PRKN: variants seen among roughly 807,000 people sequenced by gnomAD.
PRKN encodes the protein parkin RBR E3 ubiquitin protein ligase.
Under a neutral mutation model 59.5 loss-of-function variants are expected in PRKN, and 56 were observed. The ratio of observed to expected loss-of-function variants is 0.94; its 90% CI spans 0.76 to 1.18. PRKN has a LOEUF of 1.18. PRKN is among the 50% of genes most tolerant of loss of function. The pLI is 0.00. For synonymous variants in PRKN, 250 were observed against 222.1 expected, an observed-to-expected ratio of 1.13 and a Z score of -1.12; for missense variants, 657 against 596.4, an observed-to-expected ratio of 1.10 and a Z score of -1.06.
chr6:162,427,280 A>C (rs2128161392), intron 2 of PRKN, among the ~76,000 whole-genome samples: 1 of 152,348 alleles, frequency 6.6e-6, no homozygotes, highest in Non-Finnish European at 1.5e-5. Context: ...TATTAATAGT[A>C]AAGCTGAAGT....
At chr6:161,913,939 A>G (rs1164907164) in intron 6 of PRKN, among the ~76,000 whole-genome samples, 1 of 152,174 alleles carries the variant, frequency 6.6e-6, no homozygotes, top group African/African-American at 2.4e-5. Context: ...TCAATAAACC[A>G]CGAAGAGAGC....
In PRKN at chr6:161,561,852, A is replaced by G. The variant is rs113898205; in HGVS notation, c.933+7503T>C. On this transcript the variant is annotated intron_variant, in intron 8 of 11. Coordinates refer to ENST00000366898, the MANE Select transcript of PRKN (RefSeq NM_004562.3). This position sits in a 1 kb window ranked among gnomAD's most constrained non-coding sequence, Gnocchi z 5.0. Reference sequence around the variant, plus strand: ...CATAGCAAACCCTCTAGAAGGAATTATCCTCCCCTTCTGTTCACTCTTCAT... The same window carrying G: ...CATAGCAAACCCTCTAGAAGGAATTGTCCTCCCCTTCTGTTCACTCTTCAT... Among the ~76,000 whole-genome samples the G allele has an allele frequency of 0.011, 1,648 of 152,166 alleles. 26 individuals are homozygous for G. The highest frequency in any genetic ancestry group is 0.038 in the African/African-American group (1,568 of 41,514).
At chr6:161,558,102 C>T (rs1238188942) in intron 8 of PRKN, among the ~76,000 whole-genome samples, 2 of 152,170 alleles carry the variant, frequency 1.3e-5, no homozygotes, top group Non-Finnish European at 2.9e-5. Flanking sequence ...TCTCTGTCCA[C>T]TCTGTGAAGT....
intron 2 of PRKN, among the ~76,000 whole-genome samples, chr6:162,305,634 T>G (rs1562655969): frequency 6.6e-6 from 1 of 152,284 alleles, no homozygotes; most frequent in South Asian, 2.1e-4. Context: ...AGAAAAATGT[T>G]TTGGTTTTTA....
At chr6:162,306,275 CA>C (rs1782221084) in intron 2 of PRKN, among the ~76,000 whole-genome samples, 1 of 152,112 alleles carries the variant, frequency 6.6e-6, no homozygotes, top group African/African-American at 2.4e-5. Context: ...TGCTGGTTCA[CA>C]AGAAATGATG....
At chr6:162,035,634 T>C (rs1783810199) in intron 5 of PRKN, among the ~76,000 whole-genome samples, 1 of 152,192 alleles carries the variant, frequency 6.6e-6, no homozygotes, top group African/African-American at 2.4e-5. Flanking sequence ...TTGGAGAATT[T>C]ACTATAGCAG....
chr6:162,258,001 C>A (rs1779720937), intron 3 of PRKN, among the ~76,000 whole-genome samples: 1 of 152,188 alleles, frequency 6.6e-6, no homozygotes, highest in South Asian at 2.1e-4. Flanking sequence ...AGCTCCACCC[C>A]ATACTGGCTG....
Position 161,385,603 on chromosome 6 carries a change from C to T in PRKN, c.1167+1191G>A, listed in dbSNP as rs556840675. 6.6e-6 allele frequency among the ~76,000 whole-genome samples: 1 copy of T among 152,272 alleles called. No individual in the cohort carries two copies. Among genetic ancestry groups the T allele is most frequent in the African/African-American group, 2.4e-5 (1 of 41,562 alleles). ...AAATACTGTAGATGCCAGAGTATCACTTTGTGGAAGCCTCTGCCATGTTTG... is the reference window on the plus strand; with the variant it reads ...AAATACTGTAGATGCCAGAGTATCATTTTGTGGAAGCCTCTGCCATGTTTG... On this transcript the variant is annotated intron_variant, in intron 10 of 11. Transcript: ENST00000366898. This position sits in a 1 kb window ranked among gnomAD's most constrained non-coding sequence, Gnocchi z 4.9.
chr6:162,435,379 G>A (rs767610873), intron 2 of PRKN, among the ~76,000 whole-genome samples: 10 of 151,204 alleles, frequency 6.6e-5, no homozygotes, highest in Non-Finnish European at 1.3e-4. Flanking sequence ...TATGCTTATT[G>A]ATGGCAATCC....
intron 7 of PRKN, among the ~76,000 whole-genome samples, chr6:161,703,212 G>A (rs532333412): frequency 3.3e-5 from 5 of 152,252 alleles, no homozygotes; most frequent in East Asian, 3.9e-4. Flanking sequence ...GCTGAGGCAG[G>A]AGGATTTCTT....
At chr6:161,441,644 C>CT (rs1171535830) in intron 9 of PRKN, among the ~76,000 whole-genome samples, 12 of 107,604 alleles carry the variant, frequency 1.1e-4, no homozygotes, top group Non-Finnish European at 2.0e-4. Flanking sequence ...GACTCTGTCT[C>CT]TTAAAAAAAA....
intron 1 of PRKN, among the ~76,000 whole-genome samples, chr6:162,609,087 T>C (rs1396532650): frequency 6.6e-6 from 1 of 152,082 alleles, no homozygotes; most frequent in Non-Finnish European, 1.5e-5. Context: ...AACTTCCAGA[T>C]AGAAGAGAAA....
intron 6 of PRKN, among the ~76,000 whole-genome samples, chr6:161,859,453 A>C (rs965603144): frequency 6.6e-6 from 1 of 151,766 alleles, no homozygotes; most frequent in Non-Finnish European, 1.5e-5. Context: ...AAATACAAAA[A>C]TAAGCTGGGC....
intron 1 of PRKN, among the ~76,000 whole-genome samples, chr6:162,641,761 T>C (rs1777969951): frequency 6.6e-6 from 1 of 152,198 alleles, no homozygotes; most frequent in East Asian, 1.9e-4. Flanking sequence ...AGAAGTCATT[T>C]TCTAGTTTTG....
At chr6:162,673,009 A>C (rs936147576) in intron 1 of PRKN, among the ~76,000 whole-genome samples, 1 of 152,198 alleles carries the variant, frequency 6.6e-6, no homozygotes, top group African/African-American at 2.4e-5. Flanking sequence ...GAAAGATGAA[A>C]ATGGGAAACA....
chr6:161,474,164 G>C (rs999265541), intron 9 of PRKN, among the ~76,000 whole-genome samples: 1 of 152,182 alleles, frequency 6.6e-6, no homozygotes, highest in African/African-American at 2.4e-5. Context: ...TGGCGCCACT[G>C]TTTACTAGTA....
At chr6:162,395,372 G>A (rs1420711860) in intron 2 of PRKN, among the ~76,000 whole-genome samples, 1 of 152,206 alleles carries the variant, frequency 6.6e-6, no homozygotes, top group Non-Finnish European at 1.5e-5. Context: ...TCCAAACAGA[G>A]AAGAACTGAA....
intron 3 of PRKN, among the ~76,000 whole-genome samples, chr6:162,261,200 G>A (rs1779873041): frequency 6.6e-6 from 1 of 152,094 alleles, no homozygotes; most frequent in African/African-American, 2.4e-5. Context: ...TCCTAGTAAG[G>A]AGAGGGAGAC....
chr6:161,523,737 GAA>G (rs1778920314), intron 9 of PRKN, among the ~76,000 whole-genome samples: 3 of 152,282 alleles, frequency 2.0e-5, no homozygotes, highest in African/African-American at 2.4e-5. Context: ...CAATTTCATG[GAA>G]AGTAAGTATT....
Sources: gnomAD v4.1 joint callset for allele counts (sites outside exome capture counted in the v4.1 genomes callset) on GRCh38, gnomAD v4.1.1 for gene constraint, Gnocchi (gnomAD v3.1) non-coding constraint, MANE v1.5 for transcripts, NCBI Gene and HGNC (gene_info 2026-07-23, HGNC 2026-07-21) for gene names.